GSDME: variants seen among roughly 807,000 people sequenced by gnomAD.
GSDME encodes gasdermin E.
A neutral mutation model predicts 47.5 loss-of-function variants in GSDME; 44 were observed. The ratio of observed to expected loss-of-function variants is 0.93; its 90% confidence interval spans 0.73 to 1.19. The LOEUF is 1.19. Among genes scored for constraint, GSDME ranks in the 50% most tolerant of loss-of-function variants. The pLI is 0.00. For synonymous variants in GSDME, 258 were observed against 252.8 expected, an observed-to-expected ratio of 1.02 and a Z score of -0.20; for missense variants, 663 against 604.2, an observed-to-expected ratio of 1.10 and a Z score of -1.02.
intron 2 of GSDME, among the ~76,000 whole-genome samples, chr7:24,746,982 G>A (rs983903927): frequency 2.6e-5 from 4 of 152,216 alleles, no homozygotes; most frequent in Non-Finnish European, 5.9e-5. Flanking sequence ...ACAGGACACA[G>A]AATCCAGGAT....
rs1788733617 is a variant in GSDME at position 24,698,673 on chromosome 7, G to A, written c.*353C>T. On this transcript the variant is annotated 3_prime_UTR_variant, in exon 10 of 10. Coordinates refer to ENST00000645220, the MANE Select transcript of GSDME (RefSeq NM_001127453.2). ...TGTAAAAAGACCTTTTGGATTAAAG[G>A]GTCAGACTCTTTCTATGTAACAAAA... 1 of 346,558 alleles carries A rather than the reference G, an allele frequency of 2.9e-6. No individual in the cohort carries two copies. The highest frequency in any genetic ancestry group is 2.1e-5 in the African/African-American group (1 of 47,128). The allele number at this position is 346,558 out of a possible 1,614,324, so 21.5% of individuals were successfully genotyped here. A position where few individuals can be genotyped will look rare whatever the true frequency, so the allele number is the denominator to read the frequency against.
chr7:24,709,624 C>T (rs1222799075), intron 6 of GSDME, among the ~76,000 whole-genome samples: 2 of 152,070 alleles, frequency 1.3e-5, no homozygotes, highest in African/African-American at 4.8e-5. Flanking sequence ...TGCCCATCTC[C>T]TCCTATATGC....
intron 6 of GSDME, 113 bp downstream of exon 6, chr7:24,710,111 A>G (rs140100845): frequency 8.4e-6 from 10 of 1,196,628 alleles, no homozygotes; most frequent in Non-Finnish European, 1.1e-5. Flanking sequence ...CTCTTCTCAT[A>G]TGTTTTCTGT....
chr7:24,702,457 A>T, intron 9 of GSDME: 2 of 368,926 alleles, frequency 5.4e-6, no homozygotes, highest in Non-Finnish European at 1.1e-5. Context: ...GTAATGTAAC[A>T]CCAAACCTTG....
At chr7:24,784,283 A>G in the GSDME span, among the ~76,000 whole-genome samples, 6 of 152,258 alleles carry the variant, frequency 3.9e-5, no homozygotes, top group African/African-American at 1.4e-4. Flanking sequence ...CTAATAGGCT[A>G]TATATAAAGG....
intron 9 of GSDME, 122 bp downstream of exon 9, chr7:24,702,637 TA>T: frequency 1.3e-6 from 1 of 784,280 alleles, no homozygotes. Context: ...AATACTTACT[TA>T]ATGTGTCTTG....
upstream of GSDME, among the ~76,000 whole-genome samples, chr7:24,758,860 A>G (rs1249994384): frequency 6.6e-6 from 1 of 152,208 alleles, no homozygotes; most frequent in Non-Finnish European, 1.5e-5. This position sits in a 1 kb window ranked among gnomAD's most constrained non-coding sequence, Gnocchi z 4.6. Flanking sequence ...TGTCAGCAGC[A>G]TGAGGGCAGC....
chr7:24,783,831 T>C, the GSDME span, among the ~76,000 whole-genome samples: 1 of 151,932 alleles, frequency 6.6e-6, no homozygotes, highest in East Asian at 1.9e-4. Context: ...TGTGAGCTTA[T>C]GGGTGGTAGT....
chr7:24,729,028 T>A (rs1188274695), intron 3 of GSDME, among the ~76,000 whole-genome samples: 2 of 152,116 alleles, frequency 1.3e-5, no homozygotes, highest in East Asian at 3.9e-4. Flanking sequence ...CACATTATAG[T>A]CTCTAATACC....
rs925437144 is a variant in GSDME at position 24,700,909 on chromosome 7, T to A, written c.1258-1650A>T. Among the ~76,000 whole-genome samples the A allele has an allele frequency of 3.3e-5, 5 of 152,312 alleles. No homozygotes were observed. In the South Asian group the frequency reaches 1.0e-3, roughly 32 times the overall value. On this transcript the variant is annotated intron_variant, in intron 9 of 9. Coordinates refer to ENST00000645220, the MANE Select transcript of GSDME (RefSeq NM_001127453.2). ...AGCATTCGGCTTTCTTTTCTAAATA[T>A]CCACCACCCCCTTTGCCCACAGGCA...
intron 2 of GSDME, among the ~76,000 whole-genome samples, chr7:24,748,076 C>A (rs1162704406): frequency 1.3e-5 from 2 of 149,596 alleles, no homozygotes; most frequent in East Asian, 3.9e-4. Context: ...AATATTTAAA[C>A]CTAATTAAAT....
chr7:24,793,249 C>A, the GSDME span, among the ~76,000 whole-genome samples: 1,605 of 152,182 alleles, frequency 0.011, 24 homozygotes, highest in African/African-American at 0.036. Context: ...TCTCTTCAAC[C>A]TTTTATAATT....
Position 24,732,904 on chromosome 7 carries a change from G to A in GSDME, c.404+11658C>T, listed in dbSNP as rs1283682762. ...TGCTGGGCTCAGAGCCAGTGGATTT[G>A]GGGGGTGGGTACACAACCTACTGAG... On this transcript the variant is annotated intron_variant, in intron 3 of 9. Coordinates refer to ENST00000645220, the MANE Select transcript of GSDME (RefSeq NM_001127453.2). This position sits in a 1 kb window ranked among gnomAD's most constrained non-coding sequence, Gnocchi z 4.8. Among the ~76,000 whole-genome samples the A allele has an allele frequency of 6.6e-6, 1 of 152,042 alleles. No individual in the cohort carries two copies. The highest frequency in any genetic ancestry group is 1.5e-5 in the Non-Finnish European group (1 of 68,010).
In GSDME at chr7:24,712,945, G is replaced by C. The variant is rs1202071154; in HGVS notation, c.698-2557C>G. ...AGGCAGGAGAATCGTTTGAACCTGG[G>C]AGGCGGAGGTTGTGGTGAGCCAAGA... is the stretch of plus-strand genomic sequence containing the variant. On this transcript the variant is annotated intron_variant, in intron 5 of 9. Coordinates refer to ENST00000645220, the MANE Select transcript of GSDME (RefSeq NM_001127453.2). The surrounding 1 kb of genome is among the most constrained non-coding windows in gnomAD (Gnocchi z 4.4). Among the ~76,000 whole-genome samples the C allele has an allele frequency of 6.6e-6, 1 of 151,692 alleles. No homozygotes were observed. The highest frequency in any genetic ancestry group is 2.4e-5 in the African/African-American group (1 of 41,224).
chr7:24,744,685 G>C lies in GSDME; in HGVS notation c.281C>G (p.Thr94Ser). The change falls in exon 3 of 10, where the codon ACT (threonine) becomes AGT (serine). Residue 94 changes from threonine (T) to serine (S), a missense_variant. Physicochemically the swap from Thr to Ser is moderately conservative, Grantham distance 58. Coordinates refer to ENST00000645220, the MANE Select transcript of GSDME (RefSeq NM_001127453.2). This position sits in a 1 kb window ranked among gnomAD's most constrained non-coding sequence, Gnocchi z 4.5. Reference protein sequence around the residue: ...FANHVSGTLETALGKVKLNLG... With the variant: ...FANHVSGTLESALGKVKLNLG... ...GTTCAGCTTGACCTTCCCCAGTGCA[G>C]TCTCCAGGGTTCCACTCACGTGGTT... The C allele has an allele frequency of 6.2e-7, 1 of 1,614,134 alleles. No individual in the cohort carries two copies. The highest frequency in any genetic ancestry group is 2.2e-5 in the East Asian group (1 of 44,884).
Position 24,757,204 on chromosome 7 carries a change from G to C in GSDME, c.-20+192C>G, listed in dbSNP as rs1449317669. On this transcript the variant is annotated intron_variant, in intron 1 of 9. Coordinates refer to ENST00000645220, the MANE Select transcript of GSDME (RefSeq NM_001127453.2). The surrounding 1 kb of genome is among the most constrained non-coding windows in gnomAD (Gnocchi z 5.9). ...GAATGCGGGAGGCGAGGGGAGCGAC[G>C]GGACCTGCCGTTCCGGCGGCCGGGC... Among the ~76,000 whole-genome samples the C allele has an allele frequency of 6.6e-6, 1 of 151,612 alleles. No homozygotes were observed. The highest frequency in any genetic ancestry group is 2.4e-5 in the African/African-American group (1 of 41,266).
intron 8 of GSDME, chr7:24,704,469 T>G (rs1469493863): frequency 6.6e-6 from 1 of 152,050 alleles, no homozygotes; most frequent in African/African-American, 2.4e-5. Flanking sequence ...GGAAAAAAAA[T>G]GAACTCAGAA....
In GSDME at chr7:24,699,233, T is replaced by C. The variant is rs779992896; in HGVS notation, c.1284A>G (p.Val428=). 1 of 1,613,906 alleles carries C rather than the reference T, an allele frequency of 6.2e-7. No individual in the cohort carries two copies. The highest frequency in any genetic ancestry group is 8.5e-7 in the Non-Finnish European group (1 of 1,179,770). Residue 428 remains valine, a synonymous_variant, in exon 10 of 10, where the codon GTA becomes GTG. Transcript: ENST00000645220. ...TCAAGGTTGGGTCTTCAAGATCAGA[T>C]ACTCCATCATCAGACAGAGCACGAA... is the stretch of plus-strand genomic sequence containing the variant. ...HLLRALSDDG[V]SDLEDPTLTP... is the part of the protein sequence containing the mutation.
intron 9 of GSDME, 60 bp downstream of exon 9, chr7:24,702,700 A>T: frequency 7.1e-7 from 1 of 1,412,932 alleles, no homozygotes; most frequent in Admixed American, 1.7e-5. Flanking sequence ...CTGGATGTCT[A>T]CCCCCTCATC....
Sources: gnomAD v4.1 joint callset for allele counts (sites outside exome capture counted in the v4.1 genomes callset) on GRCh38, gnomAD v4.1.1 for gene constraint, Gnocchi (gnomAD v3.1) non-coding constraint, MANE v1.5 for transcripts, NCBI Gene and HGNC (gene_info 2026-07-23, HGNC 2026-07-21) for gene names.